CRB2: variants seen among roughly 807,000 people sequenced by gnomAD.
CRB2 encodes the protein protein crumbs homolog 2.
Under a neutral mutation model 110.9 loss-of-function variants are expected in CRB2, and 85 were observed. The observed-to-expected ratio is 0.77, with a 90% confidence interval of 0.64 to 0.92. The LOEUF (loss-of-function observed/expected upper bound fraction) is 0.92, where lower values mean the gene tolerates loss of function less well. CRB2 is among the 40% of genes least tolerant of loss of function. The pLI, the probability that CRB2 is intolerant of heterozygous loss-of-function variation, is 0.00. For synonymous variants in CRB2, 907 were observed against 831.0 expected (o/e 1.09, Z -1.57); for missense variants, 1,843 against 1,851.3 (o/e 1.00, Z 0.08).
Position 123,373,639 on chromosome 9 carries a change from C to T in CRB2, c.3108C>T (p.Gly1036=), listed in dbSNP as rs752951248. The change falls in exon 10 of 13, where the codon GGC becomes GGT. Residue 1036 remains glycine, a synonymous_variant. Transcript: ENST00000373631. ...LARPRPGAAP[G]AREHFASWPG... Reference sequence around the variant, plus strand: ...GGCCCCGGCCCGGCGCGGCCCCTGGCGCCCGAGAGCACTTCGCGTCTTGGC... The same window carrying T: ...GGCCCCGGCCCGGCGCGGCCCCTGGTGCCCGAGAGCACTTCGCGTCTTGGC... 8.7e-6 allele frequency: 12 copies of T among 1,376,918 alleles called. No homozygotes were observed. Among genetic ancestry groups the T allele is most frequent in the South Asian group, 3.4e-5 (2 of 58,066 alleles). 85.3% of individuals were successfully genotyped at this position (1,376,918 alleles called of 1,614,324 possible).
intron 4 of CRB2, 52 bp from the exon 5 acceptor site, chr9:123,367,120 G>A: frequency 6.6e-7 from 1 of 1,506,818 alleles, no homozygotes; most frequent in South Asian, 1.3e-5. Context: ...TAGTGAAGAG[G>A]TGCTGCCCGG....
At position 123,370,784 on chromosome 9, in the gene CRB2, A is replaced by C. The variant is rs371847476; in HGVS notation, c.1731A>C (p.Ala577=). 8.1e-6 allele frequency: 13 copies of C among 1,602,194 alleles called. No homozygotes were observed. The highest frequency in any genetic ancestry group is 2.7e-5 in the African/African-American group (2 of 74,622). Residue 577 remains alanine, a synonymous_variant, in exon 7 of 13, where the codon GCA becomes GCC. Transcript: ENST00000373631. The part of the protein sequence containing the change: ...SSAQLGDATF[A]GCLQDVRVDG... Reference sequence around the variant, plus strand: ...CCCAGCTGGGGGACGCGACCTTTGCAGGCTGCCTCCAGGACGTGCGTGTGG... The same window carrying C: ...CCCAGCTGGGGGACGCGACCTTTGCCGGCTGCCTCCAGGACGTGCGTGTGG...
rs1416585750 is a variant in CRB2 at position 123,373,883 on chromosome 9, T to A, written c.3352T>A (p.Cys1118Ser). The A allele has an allele frequency of 1.9e-6, 3 of 1,549,112 alleles. No individual in the cohort carries two copies. Among genetic ancestry groups the A allele is most frequent in the Non-Finnish European group, 2.6e-6 (3 of 1,149,922 alleles). The change falls in exon 10 of 13, where the codon TGC becomes AGC. Residue 1118 changes from cysteine to serine, a missense_variant. Cys to Ser is a moderately radical substitution (Grantham distance 112, BLOSUM62 -1). Transcript: ENST00000373631. Reference protein sequence around the residue: ...CHTHPDGRFECRCPPGFGGPR... With the variant: ...CHTHPDGRFESRCPPGFGGPR... ...CACGCACCCCGACGGCCGCTTCGAG[T>A]GCCGCTGCCCGCCTGGCTTCGGGGG...
rs143723975 is a variant in CRB2, at chr9:123,372,807, A to C, written c.2603-327A>C. On this transcript the variant is annotated intron_variant, in intron 9 of 12. Transcript: ENST00000373631. ...CTGCAGTGAAGGGCAAGCCTCGGCCATGAGGTGGGGCAGCTTCACGGAGAA... is the reference window on the plus strand; with the variant it reads ...CTGCAGTGAAGGGCAAGCCTCGGCCCTGAGGTGGGGCAGCTTCACGGAGAA... Among the ~76,000 whole-genome samples the C allele has an allele frequency of 1.1e-4, 16 of 152,308 alleles. No homozygotes were observed. The East Asian group carries it at 2.3e-3, about 22-fold the overall frequency.
At chr9:123,368,697 GA>G (rs1293290926) in intron 6 of CRB2, 2 of 933,636 alleles carry the variant, frequency 2.1e-6, no homozygotes, top group African/African-American at 3.6e-5. Context: ...AGGGAGGGGG[GA>G]CCCCAGCTGC....
chr9:123,373,369 A>AC lies in CRB2; in HGVS notation c.2840dup (p.Pro949AlafsTer44). 1 of 1,432,728 alleles carries AC rather than the reference A, an allele frequency of 7.0e-7. No individual in the cohort carries two copies. Among genetic ancestry groups the AC allele is most frequent in the Non-Finnish European group, 9.1e-7 (1 of 1,099,954 alleles). The allele number at this position is 1,432,728 out of a possible 1,614,324, so 88.8% of individuals were successfully genotyped here. A position where few individuals can be genotyped will look rare whatever the true frequency, so the allele number is the denominator to read the frequency against. ...GCCTGCCCGGCGCTGTGCTGCCCATACCGGGGCCGCGCGTGGCCGATGGTG... is the reference window on the plus strand; with the variant it reads ...GCCTGCCCGGCGCTGTGCTGCCCATACCCGGGGCCGCGCGTGGCCGATGGTG... On this transcript the variant is annotated frameshift_variant, in exon 10 of 13. Transcript: ENST00000373631. LOFTEE classifies it high-confidence loss of function.
In CRB2 at chr9:123,370,107, G is replaced by C. The variant is rs1240584878; in HGVS notation, c.1055-1G>C. On this transcript the variant is annotated splice_acceptor_variant, in intron 6 of 12. Transcript: ENST00000373631. LOFTEE classifies it high-confidence loss of function. ...GAACCTTGGCTTTGTCTCTCCCAAA[G>C]GGCCGACATGTGAGGAAGATGTGGA... is the stretch of plus-strand genomic sequence containing the variant. 6.3e-7 allele frequency: 1 copy of C among 1,576,598 alleles called. No homozygotes were observed. Among genetic ancestry groups the C allele is most frequent in the Non-Finnish European group, 8.6e-7 (1 of 1,159,150 alleles).
Position 123,373,435 on chromosome 9 carries a change from C to T in CRB2, c.2904C>T (p.Ala968=), listed in dbSNP as rs781434971. 44 of 1,447,732 alleles carry T rather than the reference C, an allele frequency of 3.0e-5. No homozygotes were observed. Among genetic ancestry groups the T allele is most frequent in the Admixed American group, 1.3e-4 (5 of 38,090 alleles). The allele number at this position is 1,447,732 out of a possible 1,614,324, so 89.7% of individuals were successfully genotyped here. Residue 968 remains alanine (A), a synonymous_variant, in exon 10 of 13, where the codon GCC becomes GCT. Transcript: ENST00000373631. ...GTCTGGCCATGGAGCGCCCGGCGGC[C>T]ACCACCTCGCGCTGGCTGCTGTGGC... ...RVRLAMERPA[A]TTSRWLLWLD...
At chr9:123,356,786 G>GGC (rs2041805673) in intron 1 of CRB2, among the ~76,000 whole-genome samples, 1 of 152,074 alleles carries the variant, frequency 6.6e-6, no homozygotes, top group Middle Eastern at 3.2e-3. Flanking sequence ...TGGGTTGTGG[G>GGC]GCACAGGTTG....
At chr9:123,360,158 C>A (rs1324767419) in intron 1 of CRB2, among the ~76,000 whole-genome samples, 2 of 152,192 alleles carry the variant, frequency 1.3e-5, no homozygotes, top group African/African-American at 4.8e-5. Context: ...TGGCACCCAC[C>A]TTTTCTGGTC....
At chr9:123,356,172 T>G, upstream of CRB2, 1 of 864,176 alleles carries the variant, frequency 1.2e-6, no homozygotes, top group African/African-American at 1.7e-5. Context: ...ACAGCATTAG[T>G]GCTGGTTGGA....
Position 123,371,454 on chromosome 9 carries a change from G to A in CRB2, c.2312G>A (p.Arg771Gln), listed in dbSNP as rs372848976. The change falls in exon 8 of 13, where the codon CGA becomes CAA. Residue 771 changes from arginine to glutamine, a missense_variant. Transcript: ENST00000373631. ...GPFRGCLQDL[R>Q]LDGCHLPFFP... ...TTCCGAGGCTGCCTCCAGGACCTGC[G>A]ACTCGATGGCTGCCACCTCCCCTTC... 9.9e-6 allele frequency: 16 copies of A among 1,612,948 alleles called. No homozygotes were observed. Among genetic ancestry groups the A allele is most frequent in the Middle Eastern group, 1.6e-4 (1 of 6,084 alleles).
intron 4 of CRB2, 88 bp downstream of exon 4, chr9:123,366,454 C>T (rs2132757920): frequency 7.0e-7 from 1 of 1,422,492 alleles, no homozygotes; most frequent in Non-Finnish European, 9.1e-7. Context: ...TGTGTGGCTG[C>T]ACGCGAGTGC....
chr9:123,357,228 C>G (rs1004705792), intron 1 of CRB2, among the ~76,000 whole-genome samples: 1 of 152,090 alleles, frequency 6.6e-6, no homozygotes. Flanking sequence ...TCCAAGCTCT[C>G]GGAGCCTGGA....
rs935812233 is a variant in CRB2 at position 123,356,350 on chromosome 9, G to T, written c.90G>T (p.Leu30=). ...TCTGGGCCCCTGCCCTTTCCCTCCT[G>T]GCTGGTGAGTTGGGGCCCATGTCTG... The part of the protein sequence containing the change: ...LLLWAPALSL[L]AGTVPSEPPS... Residue 30 remains leucine (L), a synonymous_variant, in exon 1 of 13, where the codon CTG becomes CTT. Transcript: ENST00000373631. 6.5e-7 allele frequency: 1 copy of T among 1,546,598 alleles called. No individual in the cohort carries two copies. The highest frequency in any genetic ancestry group is 2.0e-5 in the Admixed American group (1 of 50,318).
chr9:123,369,292 C>T (rs1348494755), intron 6 of CRB2, among the ~76,000 whole-genome samples: 1 of 152,176 alleles, frequency 6.6e-6, no homozygotes, highest in Non-Finnish European at 1.5e-5. Context: ...TCCTCCATGC[C>T]ATCACTCTGT....
intron 10 of CRB2, 111 bp from the exon 11 acceptor site, chr9:123,374,468 G>A (rs1361771335): frequency 5.5e-6 from 4 of 731,276 alleles, no homozygotes; most frequent in Non-Finnish European, 9.5e-6. Flanking sequence ...ATAGAGGAAG[G>A]CCCTGAGTTC....
At chr9:123,354,208 C>T (rs776858531), upstream of CRB2, among the ~76,000 whole-genome samples, 33 of 152,372 alleles carry the variant, frequency 2.2e-4, no homozygotes, top group Non-Finnish European at 4.3e-4. Context: ...ACCCTCCAGA[C>T]CTCACAAGAC....
chr9:123,378,196 C>G lies in CRB2; in HGVS notation c.*1134C>G, dbSNP rs998000444. The G allele has an allele frequency of 6.6e-6, 1 of 152,312 alleles. No individual in the cohort carries two copies. The highest frequency in any genetic ancestry group is 1.5e-5 in the Non-Finnish European group (1 of 68,094). 9.4% of individuals were successfully genotyped at this position (152,312 alleles called of 1,614,324 possible). ...GGCTCAGTGAACACTGGCGCTGCCT[C>G]TGAGTCGGGGCTGGGCCTGCAGAGG... On this transcript the variant is annotated 3_prime_UTR_variant, in exon 13 of 13. Transcript: ENST00000373631.
Sources: gnomAD v4.1 joint callset for allele counts (sites outside exome capture counted in the v4.1 genomes callset) on GRCh38, gnomAD v4.1.1 for gene constraint, MANE v1.5 for transcripts, NCBI Gene and HGNC (gene_info 2026-07-23, HGNC 2026-07-21) for gene names.